SERPINB7: variants seen among roughly 807,000 people sequenced by gnomAD.
SERPINB7 encodes the protein serpin family B member 7, also known as serpin B7.
Under a neutral mutation model 37.4 loss-of-function variants are expected in SERPINB7, and 31 were observed. The ratio of observed to expected loss-of-function variants is 0.83; its 90% CI spans 0.62 to 1.12. The LOEUF (loss-of-function observed/expected upper bound fraction) is 1.12, where lower values mean the gene tolerates loss of function less well. Ranked by LOEUF, SERPINB7 falls within the 50% of genes most tolerant of loss-of-function variation. The probability of loss-of-function intolerance (pLI) is 0.00; values close to 1 mark genes in which losing one functional copy is unlikely to be tolerated. For synonymous variants in SERPINB7, 163 were observed against 166.1 expected (o/e 0.98, Z 0.14); for missense variants, 521 against 455.3 (o/e 1.14, Z -1.31).
At chr18:63,775,765 C>T (rs1453139815) in intron 1 of SERPINB7, 49 bp downstream of exon 1, 1 of 152,114 alleles carries the variant, frequency 6.6e-6, no homozygotes, top group Non-Finnish European at 1.5e-5. Flanking sequence ...TACATTATTG[C>T]TCTTATCTTC....
chr18:63,763,641 G>A (rs2049165926), intron 1 of SERPINB7, among the ~76,000 whole-genome samples: 3 of 152,136 alleles, frequency 2.0e-5, no homozygotes, highest in African/African-American at 7.2e-5. Context: ...GAAATATGAA[G>A]CACTTACAAA....
chr18:63,802,358 A>G (rs1568215981), intron 7 of SERPINB7, among the ~76,000 whole-genome samples: 1 of 151,988 alleles, frequency 6.6e-6, no homozygotes, highest in Non-Finnish European at 1.5e-5. Context: ...TGGCTCTTTG[A>G]GTTTGATCTG....
chr18:63,782,300 T>A, intron 1 of SERPINB7, 55 bp from the exon 2 acceptor site: 2 of 1,076,682 alleles, frequency 1.9e-6, no homozygotes, highest in Non-Finnish European at 2.5e-6. Flanking sequence ...TCTAAAAATA[T>A]AATATTCCTA....
intron 2 of SERPINB7, among the ~76,000 whole-genome samples, chr18:63,786,543 C>G (rs2049374995): frequency 6.6e-6 from 1 of 151,974 alleles, no homozygotes; most frequent in African/African-American, 2.4e-5. Flanking sequence ...TTCTACCACT[C>G]TCTAAGACGA....
In SERPINB7 at chr18:63,754,878, GTCTTT is replaced by G. The variant is rs777851907; in HGVS notation, c.-19+1760_-19+1764del. On this transcript the variant is annotated intron_variant, in intron 1 of 7. Coordinates refer to the SERPINB7 transcript ENST00000336429. ...AGTGCCCAGCATTGTTTAAACTGAG[GTCTTT>G]TTTTTTTTTTTTTTTTTTTTTTTTT... 5.3e-4 allele frequency among the ~76,000 whole-genome samples: 48 copies of G among 90,212 alleles called. 2 individuals carry two copies. The South Asian group carries it at 0.016, about 30-fold the overall frequency. The allele number at this position is 90,212 out of a possible 152,430, so 59.2% of individuals were successfully genotyped here.
At chr18:63,771,633 C>T (rs375106332), upstream of SERPINB7, among the ~76,000 whole-genome samples, 15 of 152,126 alleles carry the variant, frequency 9.9e-5, no homozygotes, top group South Asian at 1.9e-3. Flanking sequence ...TCTAAGGGTT[C>T]GCACGGGTTG....
At chr18:63,781,919 T>C (rs1487625484) in intron 1 of SERPINB7, among the ~76,000 whole-genome samples, 1 of 152,072 alleles carries the variant, frequency 6.6e-6, no homozygotes, top group Non-Finnish European at 1.5e-5. Context: ...AAAGAATGGG[T>C]TAAAAATGAT....
At position 63,782,348 on chromosome 18, in the gene SERPINB7, C is replaced by T. The variant is rs1451843741; in HGVS notation, c.-18-7C>T. 1 of 1,579,524 alleles carries T rather than the reference C, an allele frequency of 6.3e-7. No individual in the cohort carries two copies. The highest frequency in any genetic ancestry group is 8.6e-7 in the Non-Finnish European group (1 of 1,159,060). ...GGAACTAATTTCATTTTCTCATTGT[C>T]CTCTAGGCTGCACTCCATTTTGCAA... On this transcript the variant is annotated splice_polypyrimidine_tract_variant and splice_region_variant and intron_variant, in intron 1 of 7. Transcript: ENST00000398019.
At chr18:63,783,228 G>GAAAGAAAGAAAGAA (rs1346398259) in intron 2 of SERPINB7, among the ~76,000 whole-genome samples, 4 of 47,396 alleles carry the variant, frequency 8.4e-5, no homozygotes, top group African/African-American at 2.0e-4. Context: ...GAGAGAGAGA[G>GAAAGAAAGAAAGAA]AGAGAGAAAG....
Position 63,801,021 on chromosome 18 carries a change from C to A in SERPINB7, c.744+9C>A. 1 of 1,610,798 alleles carries A rather than the reference C, an allele frequency of 6.2e-7. No homozygotes were observed. Among genetic ancestry groups the A allele is most frequent in the Non-Finnish European group, 8.5e-7 (1 of 1,178,744 alleles). On this transcript the variant is annotated intron_variant, in intron 7 of 7. Transcript: ENST00000398019. The stretch of plus-strand genomic sequence containing the variant: ...AGAATGACCTCTCTGAAGTAAGTTA[C>A]GACTGTCATTTTCACTATTGGGAAA...
chr18:63,785,344 G>GTTTCTT (rs2144618058), intron 2 of SERPINB7, among the ~76,000 whole-genome samples: 1 of 152,080 alleles, frequency 6.6e-6, no homozygotes, highest in East Asian at 1.9e-4. Flanking sequence ...ATGGATCTGT[G>GTTTCTT]TTTCTTTTTC....
intron 1 of SERPINB7, among the ~76,000 whole-genome samples, chr18:63,779,668 A>G (rs2049282876): frequency 6.6e-6 from 1 of 151,972 alleles, no homozygotes. Context: ...CTGCCATAAA[A>G]CTTACCTAAG....
intron 1 of SERPINB7, among the ~76,000 whole-genome samples, chr18:63,767,216 G>A (rs1385179615): frequency 6.6e-6 from 1 of 152,104 alleles, no homozygotes; most frequent in African/African-American, 2.4e-5. Context: ...ACTTTTTAGA[G>A]CTCTCTTTTC....
intron 1 of SERPINB7, among the ~76,000 whole-genome samples, chr18:63,757,740 A>G (rs1329224775): frequency 6.6e-6 from 1 of 152,232 alleles, no homozygotes; most frequent in African/African-American, 2.4e-5. Context: ...TGCTCTTGGG[A>G]GTTCCTAATG....
upstream of SERPINB7, among the ~76,000 whole-genome samples, chr18:63,772,993 G>A (rs1216913540): frequency 1.3e-5 from 2 of 152,118 alleles, no homozygotes; most frequent in Non-Finnish European, 2.9e-5. Context: ...ATCAGAAGAA[G>A]GAGGAGGAAT....
At chr18:63,797,091 T>C (rs1273656982) in intron 5 of SERPINB7, among the ~76,000 whole-genome samples, 1 of 152,178 alleles carries the variant, frequency 6.6e-6, no homozygotes, top group Non-Finnish European at 1.5e-5. Flanking sequence ...TCTGGTTTAG[T>C]GCAAAGCAAA....
intron 2 of SERPINB7, among the ~76,000 whole-genome samples, chr18:63,783,224 G>GAA (rs1417968311): frequency 5.0e-3 from 270 of 54,034 alleles, no homozygotes; most frequent in Admixed American, 8.5e-3. Flanking sequence ...GAGAGAGAGA[G>GAA]AGAGAGAGAG....
In SERPINB7 at chr18:63,804,252, A is replaced by T. The variant is rs763805119; in HGVS notation, c.760A>T (p.Thr254Ser). 1.9e-6 allele frequency: 3 copies of T among 1,557,986 alleles called. No individual in the cohort carries two copies. Among genetic ancestry groups the T allele is most frequent in the Non-Finnish European group, 2.6e-6 (3 of 1,157,818 alleles). Residue 254 changes from threonine (T) to serine (S), a missense_variant, in exon 8 of 8, where the codon ACC becomes TCC. Coordinates refer to ENST00000398019, the MANE Select transcript of SERPINB7 (RefSeq NM_003784.4). ...NDLSEIENKL[T>S]FQNLMEWTNP... is the part of the protein sequence containing the mutation. The stretch of plus-strand genomic sequence containing the variant: ...ATTTTTACAGATTGAAAACAAACTG[A>T]CCTTTCAGAATCTAATGGAATGGAC...
At chr18:63,767,001 T>C (rs573388949) in intron 1 of SERPINB7, among the ~76,000 whole-genome samples, 1 of 152,262 alleles carries the variant, frequency 6.6e-6, no homozygotes, top group South Asian at 2.1e-4. Flanking sequence ...CCATTACTTT[T>C]CTCCATCTCC....
Sources: gnomAD v4.1 joint callset for allele counts (sites outside exome capture counted in the v4.1 genomes callset) on GRCh38, gnomAD v4.1.1 for gene constraint, MANE v1.5 for transcripts, NCBI Gene and HGNC (gene_info 2026-07-23, HGNC 2026-07-21) for gene names.